Variants in RORA observed in about 807,000 individuals in gnomAD.
RORA encodes RAR related orphan receptor A.
RORA carries 7 observed loss-of-function variants against 69.5 expected under a neutral mutation model. The observed-to-expected ratio is 0.10, with a 90% CI of 0.06 to 0.19. RORA has a LOEUF of 0.19. Ranked by LOEUF, RORA falls within the 10% of genes least tolerant of loss-of-function variation. The probability of loss-of-function intolerance (pLI) is 1.00; values close to 1 mark genes in which losing one functional copy is unlikely to be tolerated. For missense variants in RORA, 457 were observed against 663.0 expected (o/e 0.69, Z 3.41); for synonymous variants, 261 against 240.8 (o/e 1.08, Z -0.78).
chr15:60,978,469 T>A (rs959499720), intron 1 of RORA, among the ~76,000 whole-genome samples: 1 of 152,188 alleles, frequency 6.6e-6, no homozygotes, highest in African/African-American at 2.4e-5. Context: ...ATTCTATGGG[T>A]TGCTTTTCAC....
intron 1 of RORA, among the ~76,000 whole-genome samples, chr15:61,043,194 A>G (rs1371406558): frequency 6.6e-6 from 1 of 152,236 alleles, no homozygotes; most frequent in Non-Finnish European, 1.5e-5. Context: ...ACAGAGGGCA[A>G]ACATTCTGCC....
At chr15:61,172,650 T>C (rs1251582783) in intron 1 of RORA, among the ~76,000 whole-genome samples, 1 of 152,210 alleles carries the variant, frequency 6.6e-6, no homozygotes, top group East Asian at 1.9e-4. Flanking sequence ...CCACTATTTT[T>C]AACTTCTTGG....
At chr15:60,623,902 T>G (rs2069488353) in intron 2 of RORA, among the ~76,000 whole-genome samples, 1 of 152,208 alleles carries the variant, frequency 6.6e-6, no homozygotes, top group Non-Finnish European at 1.5e-5. Context: ...TTATAGCTTC[T>G]CTGTGACTTG....
intron 2 of RORA, among the ~76,000 whole-genome samples, chr15:60,654,235 C>A (rs762516852): frequency 6.6e-6 from 1 of 152,130 alleles, no homozygotes; most frequent in African/African-American, 2.4e-5. Context: ...TTGATTTGTA[C>A]CCTAAAATGT....
At chr15:61,059,988 GGAAGAAGAAGAAGAAGAA>G (rs71122901) in intron 1 of RORA, among the ~76,000 whole-genome samples, 1,717 of 85,918 alleles carry the variant, frequency 0.02, 40 homozygotes, top group East Asian at 0.087. Flanking sequence ...AAGAGGAAGA[GGAAGAAGAAGAAGAAGAA>G]GAAGAAGAAG....
intron 1 of RORA, among the ~76,000 whole-genome samples, chr15:61,193,467 G>C (rs769236575): frequency 1.7e-4 from 26 of 152,122 alleles, no homozygotes; most frequent in Admixed American, 2.0e-4. Context: ...TTGCTGTAGA[G>C]GAACTGCCTG....
intron 1 of RORA, among the ~76,000 whole-genome samples, chr15:61,077,548 A>G (rs940221): frequency 0.21 from 31,468 of 152,092 alleles, 3,682 homozygotes; most frequent in East Asian, 0.31. Context: ...CCCTCTGTCT[A>G]GGTGGCACTG....
chr15:60,769,427 C>A (rs1431511951), intron 1 of RORA, among the ~76,000 whole-genome samples: 3 of 152,014 alleles, frequency 2.0e-5, no homozygotes, highest in Non-Finnish European at 4.4e-5. Context: ...CAAAAAAAAC[C>A]CATTTGGTTG....
chr15:61,205,812 C>G (rs1422166201), intron 1 of RORA, among the ~76,000 whole-genome samples: 1 of 152,120 alleles, frequency 6.6e-6, no homozygotes, highest in Non-Finnish European at 1.5e-5. Flanking sequence ...GGCACACACA[C>G]AGATGAAAAG....
At chr15:60,715,382 G>C (rs1340038185) in intron 1 of RORA, among the ~76,000 whole-genome samples, 1 of 152,188 alleles carries the variant, frequency 6.6e-6, no homozygotes, top group African/African-American at 2.4e-5. Context: ...TTCTTCCTTT[G>C]TTAGCTTTCT....
intron 2 of RORA, among the ~76,000 whole-genome samples, chr15:60,541,531 T>C (rs1472261382): frequency 6.6e-6 from 1 of 152,200 alleles, no homozygotes; most frequent in Admixed American, 6.5e-5. Context: ...TGAAGCACAG[T>C]TATTTCTGTG....
intron 1 of RORA, among the ~76,000 whole-genome samples, chr15:61,211,554 G>A: frequency 6.6e-6 from 1 of 152,182 alleles, no homozygotes; most frequent in East Asian, 1.9e-4. Flanking sequence ...GTGGGTGAAG[G>A]CCTCTAATTT....
At chr15:60,518,103 G>C (rs1209082081) in intron 3 of RORA, among the ~76,000 whole-genome samples, 2 of 152,114 alleles carry the variant, frequency 1.3e-5, no homozygotes, top group African/African-American at 4.8e-5. Context: ...GGCTCAAGCG[G>C]TCCTCCCACC....
chr15:60,558,832 A>G (rs2067448180), intron 2 of RORA, among the ~76,000 whole-genome samples: 1 of 148,852 alleles, frequency 6.7e-6, no homozygotes, highest in African/African-American at 2.6e-5. Flanking sequence ...TGTCTACTTT[A>G]TATTTTTGGC....
chr15:60,700,290 A>C (rs982819591), intron 1 of RORA, among the ~76,000 whole-genome samples: 1 of 152,136 alleles, frequency 6.6e-6, no homozygotes, highest in Non-Finnish European at 1.5e-5. Context: ...TAAGGGACAA[A>C]ATTTTCAGCA....
chr15:61,072,679 T>C (rs1220018237), intron 1 of RORA, among the ~76,000 whole-genome samples: 1 of 152,246 alleles, frequency 6.6e-6, no homozygotes, highest in Admixed American at 6.5e-5. Flanking sequence ...TATTTTATTA[T>C]AAACCATTCT....
At chr15:60,568,982 C>T (rs2067796811) in intron 2 of RORA, among the ~76,000 whole-genome samples, 1 of 150,248 alleles carries the variant, frequency 6.7e-6, no homozygotes, top group Non-Finnish European at 1.5e-5. Context: ...TATGGCATTT[C>T]CTGGAGTTTA....
chr15:61,096,870 C>T (rs2078798602), intron 1 of RORA, among the ~76,000 whole-genome samples: 1 of 152,170 alleles, frequency 6.6e-6, no homozygotes, highest in African/African-American at 2.4e-5. Context: ...TGGTGCAGCG[C>T]TTTGGGAAAC....
chr15:60,927,160 C>G (rs117173771), intron 1 of RORA, among the ~76,000 whole-genome samples: 4,216 of 152,290 alleles, frequency 0.028, 76 homozygotes, highest in Non-Finnish European at 0.042. Context: ...ATCCTTCCCA[C>G]CTCTCTGACC....
Sources: allele counts gnomAD v4.1 joint callset (sites outside exome capture counted in the v4.1 genomes callset), GRCh38; gene constraint gnomAD v4.1.1; transcripts MANE v1.5; gene names NCBI Gene and HGNC (gene_info 2026-07-23, HGNC 2026-07-21).